The following TMEM132D variants were observed in gnomAD, a reference collection of about 807,000 sequenced individuals.
The protein encoded by TMEM132D is mature OL transmembrane protein.
Under a neutral mutation model 62.3 loss-of-function variants are expected in TMEM132D, and 21 were observed. That is an observed-to-expected ratio of 0.34 (90% CI 0.24 to 0.49). The LOEUF (loss-of-function observed/expected upper bound fraction) is 0.49, where lower values mean the gene tolerates loss of function less well. Among genes scored for constraint, TMEM132D ranks in the 20% least tolerant of loss-of-function variants. The probability of loss-of-function intolerance (pLI) is 0.99; values close to 1 mark genes in which losing one functional copy is unlikely to be tolerated. For synonymous variants in TMEM132D, 621 were observed against 575.6 expected, an observed-to-expected ratio of 1.08 and a Z score of -1.13; for missense variants, 1,346 against 1,402.8, an observed-to-expected ratio of 0.96 and a Z score of 0.65.
At position 129,776,618 on chromosome 12, in the gene TMEM132D, A is replaced by AT. The variant is rs560033108; in HGVS notation, c.80-75921dup. 3.8e-4 allele frequency among the ~76,000 whole-genome samples: 57 copies of AT among 150,860 alleles called. 2 individuals are homozygous for AT. The South Asian group carries it at 0.012, about 31-fold the overall frequency. ...GTATTTTGGAAAAATTGCTTAATCC[A>AT]TTTTTTTCAAGCAGTAATACACTTG... On this transcript the variant is annotated intron_variant, in intron 1 of 8. Transcript: ENST00000422113.
chr12:129,709,931 C>G (rs144360227), intron 1 of TMEM132D, among the ~76,000 whole-genome samples: 1 of 152,160 alleles, frequency 6.6e-6, no homozygotes, highest in Non-Finnish European at 1.5e-5. Context: ...TTACTTTATA[C>G]TCATTGAAAA....
chr12:129,079,488 A>G (rs1044601528), intron 7 of TMEM132D, among the ~76,000 whole-genome samples: 13 of 152,142 alleles, frequency 8.5e-5, no homozygotes, highest in African/African-American at 2.9e-4. Context: ...CTGTGGAATC[A>G]CTTCTTCCTC....
intron 2 of TMEM132D, among the ~76,000 whole-genome samples, chr12:129,674,421 T>G (rs985374959): frequency 6.6e-6 from 1 of 152,240 alleles, no homozygotes; most frequent in African/African-American, 2.4e-5. Flanking sequence ...AAAGTAACCC[T>G]ACTTTCAGAC....
chr12:129,314,004 T>A (rs149592208), intron 4 of TMEM132D, among the ~76,000 whole-genome samples: 3,823 of 152,342 alleles, frequency 0.025, 173 homozygotes, highest in African/African-American at 0.084. Context: ...CATTTGTATA[T>A]CTTCTTTTGA....
chr12:129,298,581 T>A (rs1404452931), intron 4 of TMEM132D, among the ~76,000 whole-genome samples: 1 of 152,196 alleles, frequency 6.6e-6, no homozygotes, highest in African/African-American at 2.4e-5. Flanking sequence ...ATTGTCACTG[T>A]GTACCCATTA....
intron 2 of TMEM132D, among the ~76,000 whole-genome samples, chr12:129,608,115 T>G (rs1878678290): frequency 6.6e-6 from 1 of 152,196 alleles, no homozygotes; most frequent in African/African-American, 2.4e-5. Flanking sequence ...CTAAAATCAC[T>G]GTGAAGGAAC....
intron 1 of TMEM132D, among the ~76,000 whole-genome samples, chr12:129,848,168 G>A (rs1873422997): frequency 6.6e-6 from 1 of 152,178 alleles, no homozygotes; most frequent in Non-Finnish European, 1.5e-5. Context: ...TGAACCAAGG[G>A]TGCGTCCTTT....
intron 2 of TMEM132D, among the ~76,000 whole-genome samples, chr12:129,677,369 A>G (rs1880656047): frequency 6.6e-6 from 1 of 152,200 alleles, no homozygotes; most frequent in African/African-American, 2.4e-5. Context: ...TGCCGTGATC[A>G]TGAGGCCTCC....
At chr12:129,232,098 A>G (rs1478133412) in intron 4 of TMEM132D, among the ~76,000 whole-genome samples, 1 of 152,154 alleles carries the variant, frequency 6.6e-6, no homozygotes, top group Non-Finnish European at 1.5e-5. Flanking sequence ...TGGGTCTCAC[A>G]CTCTGATTCT....
At chr12:129,898,723 C>T (rs1204232387) in intron 1 of TMEM132D, among the ~76,000 whole-genome samples, 2 of 152,200 alleles carry the variant, frequency 1.3e-5, no homozygotes, top group African/African-American at 4.8e-5. Context: ...CACATGTTCC[C>T]CTATCTCTCC....
rs929043068 is a variant in TMEM132D, at chr12:129,263,365, C to G, written c.1300-53702G>C. 5.9e-5 allele frequency among the ~76,000 whole-genome samples: 9 copies of G among 152,272 alleles called. No homozygotes were observed. In the East Asian group the frequency reaches 1.7e-3, roughly 29 times the overall value. On this transcript the variant is annotated intron_variant, in intron 4 of 8. Coordinates refer to ENST00000422113, the MANE Select transcript of TMEM132D (RefSeq NM_133448.3). ...ATAAGGTTGACAATGTTCTAAGTGC[C>G]TAGCTTACTTCACCAAATGCTATCT...
intron 5 of TMEM132D, chr12:129,110,452 A>T (rs894722131): frequency 6.6e-5 from 10 of 152,260 alleles, no homozygotes; most frequent in South Asian, 2.1e-4. Flanking sequence ...CTTTTAAAAA[A>T]TTTTCTGAGT....
chr12:129,702,890 G>A (rs1881416247), intron 1 of TMEM132D, among the ~76,000 whole-genome samples: 1 of 152,174 alleles, frequency 6.6e-6, no homozygotes, highest in Non-Finnish European at 1.5e-5. Flanking sequence ...GTTATTCACT[G>A]TCCTCTTGGC....
At chr12:129,565,913 G>C (rs190651050) in intron 2 of TMEM132D, among the ~76,000 whole-genome samples, 11 of 152,322 alleles carry the variant, frequency 7.2e-5, no homozygotes, top group African/African-American at 2.6e-4. Context: ...GTTTCACTTA[G>C]GGATGTCCTT....
chr12:129,735,074 T>C (rs1869381920), intron 1 of TMEM132D, among the ~76,000 whole-genome samples: 1 of 152,158 alleles, frequency 6.6e-6, no homozygotes. Flanking sequence ...GATTTGAAAG[T>C]TAAATATTTA....
chr12:129,336,271 T>C (rs1424108143), intron 4 of TMEM132D, among the ~76,000 whole-genome samples: 1 of 152,108 alleles, frequency 6.6e-6, no homozygotes, highest in African/African-American at 2.4e-5. Flanking sequence ...GCTCTACCAT[T>C]ATACATTCTT....
intron 2 of TMEM132D, among the ~76,000 whole-genome samples, chr12:129,664,349 A>G (rs1359192558): frequency 1.3e-5 from 2 of 152,202 alleles, no homozygotes; most frequent in South Asian, 2.1e-4. Context: ...GTAGAAAAAG[A>G]ATGTGCTAAT....
chr12:129,604,736 G>T (rs1218033183), intron 2 of TMEM132D, among the ~76,000 whole-genome samples: 1 of 152,204 alleles, frequency 6.6e-6, no homozygotes, highest in Non-Finnish European at 1.5e-5. Flanking sequence ...ATCATACTTA[G>T]ATACTGAAGC....
chr12:129,171,376 A>G (rs1161238978), intron 5 of TMEM132D, among the ~76,000 whole-genome samples: 1 of 152,026 alleles, frequency 6.6e-6, no homozygotes, highest in East Asian at 1.9e-4. Flanking sequence ...TAAACCCCTC[A>G]AAGTCATCTA....
Sources: gnomAD v4.1 joint callset for allele counts (sites outside exome capture counted in the v4.1 genomes callset) on GRCh38, gnomAD v4.1.1 for gene constraint, MANE v1.5 for transcripts, NCBI Gene and HGNC (gene_info 2026-07-23, HGNC 2026-07-21) for gene names.